Variants in SLC36A1 observed in about 807,000 individuals in gnomAD.
The protein encoded by SLC36A1 is solute carrier family 36 member 1.
Under a neutral mutation model 47.5 loss-of-function variants are expected in SLC36A1, and 30 were observed. The ratio of observed to expected loss-of-function variants is 0.63; its 90% CI spans 0.47 to 0.86. The LOEUF is 0.86. SLC36A1 is among the 40% of genes least tolerant of loss of function. The probability of loss-of-function intolerance (pLI) is 0.00; values close to 1 mark genes in which losing one functional copy is unlikely to be tolerated. For synonymous variants in SLC36A1, 255 were observed against 249.7 expected, an observed-to-expected ratio of 1.02 and a Z score of -0.20; for missense variants, 517 against 606.0, an observed-to-expected ratio of 0.85 and a Z score of 1.54.
chr5:151,473,944 G>A (rs942740332), intron 8 of SLC36A1, among the ~76,000 whole-genome samples, 173 bp downstream of exon 8: 22 of 152,130 alleles, frequency 1.4e-4, no homozygotes, highest in African/African-American at 5.3e-4. Context: ...TGGATCACTT[G>A]AGGTCAGGAG....
the SLC36A1 span, chr5:151,505,353 T>TA: frequency 3.2e-6 from 2 of 618,334 alleles, no homozygotes; most frequent in Non-Finnish European, 5.6e-6. Context: ...CCTGGGACCC[T>TA]AGTGCTGTTT....
At chr5:151,442,230 T>C (rs1752670888) in intron 1 of SLC36A1, among the ~76,000 whole-genome samples, 1 of 152,204 alleles carries the variant, frequency 6.6e-6, no homozygotes, top group African/African-American at 2.4e-5. Context: ...GATAGTAAAA[T>C]TGTAACTATA....
the SLC36A1 span, among the ~76,000 whole-genome samples, chr5:151,377,702 G>T: frequency 1.3e-5 from 2 of 152,170 alleles, no homozygotes; most frequent in Non-Finnish European, 2.9e-5. Context: ...GGGTGCTCCA[G>T]TGTTGGATGC....
upstream of SLC36A1, among the ~76,000 whole-genome samples, chr5:151,443,974 A>G (rs573219802): frequency 6.6e-6 from 1 of 152,188 alleles, no homozygotes; most frequent in South Asian, 2.1e-4. Context: ...TTAGTTGACC[A>G]TATATGTTTG....
At chr5:151,478,340 A>G (rs1199906786) in intron 9 of SLC36A1, among the ~76,000 whole-genome samples, 1 of 152,234 alleles carries the variant, frequency 6.6e-6, no homozygotes, top group African/African-American at 2.4e-5. Flanking sequence ...TCAGATCTGT[A>G]AGTTGATCAC....
At chr5:151,354,491 T>C in the SLC36A1 span, among the ~76,000 whole-genome samples, 371 of 152,344 alleles carry the variant, frequency 2.4e-3, 4 homozygotes, top group African/African-American at 8.5e-3. Context: ...CAAGTCTTTG[T>C]ACTCTCTGTG....
chr5:151,459,393 A>C (rs940738241), intron 2 of SLC36A1, among the ~76,000 whole-genome samples: 1 of 152,230 alleles, frequency 6.6e-6, no homozygotes, highest in Admixed American at 6.5e-5. Flanking sequence ...GGTTGGTAGG[A>C]AAGGAAAGAT....
chr5:151,395,374 C>T, the SLC36A1 span, among the ~76,000 whole-genome samples: 8 of 152,186 alleles, frequency 5.3e-5, no homozygotes, highest in Non-Finnish European at 1.2e-4. Context: ...GATGCCTCAC[C>T]CTGCTTTGGC....
intron 2 of SLC36A1, among the ~76,000 whole-genome samples, chr5:151,461,674 C>G (rs1392880700): frequency 6.6e-6 from 1 of 152,204 alleles, no homozygotes; most frequent in African/African-American, 2.4e-5. Flanking sequence ...TAAAATTACA[C>G]TGTAGAACGA....
the SLC36A1 span, chr5:151,551,751 C>T: frequency 4.6e-6 from 3 of 653,742 alleles, no homozygotes; most frequent in Non-Finnish European, 7.3e-6. Context: ...GTTTATTCTC[C>T]CAGGGAGTCC....
chr5:151,405,341 C>T, the SLC36A1 span, among the ~76,000 whole-genome samples: 32 of 128,298 alleles, frequency 2.5e-4, no homozygotes, highest in African/African-American at 6.1e-4. Flanking sequence ...CCCTCTCTTT[C>T]TCTTTTTTTT....
chr5:151,553,268 G>T, the SLC36A1 span: 17 of 1,614,154 alleles, frequency 1.1e-5, no homozygotes, highest in African/African-American at 1.3e-5. Flanking sequence ...TGACCGTAAA[G>T]CTGTAGTAGG....
the SLC36A1 span, among the ~76,000 whole-genome samples, chr5:151,349,138 C>G: frequency 2.0e-5 from 3 of 152,150 alleles, no homozygotes; most frequent in Non-Finnish European, 4.4e-5. Flanking sequence ...CTCTGTGTTC[C>G]TGCTCGAGCA....
At chr5:151,463,523 TATC>T in intron 2 of SLC36A1, 27 bp from the exon 3 acceptor site, 1 of 1,521,148 alleles carries the variant, frequency 6.6e-7, no homozygotes, top group South Asian at 1.1e-5. Context: ...CTGTCATGGT[TATC>T]ATTTCCTTGG....
the SLC36A1 span, chr5:151,512,409 G>A: frequency 8.5e-5 from 138 of 1,614,090 alleles, no homozygotes; most frequent in Non-Finnish European, 1.1e-4. The surrounding 1 kb of genome is among the most constrained non-coding windows in gnomAD (Gnocchi z 4.1). Context: ...GGTGCCTTTC[G>A]GGCCTCAGAC....
At chr5:151,476,801 A>T (rs1336248933) in intron 9 of SLC36A1, 45 bp downstream of exon 9, 11 of 1,605,712 alleles carry the variant, frequency 6.9e-6, no homozygotes, top group Non-Finnish European at 9.4e-6. Context: ...GGATATTTTT[A>T]AAAACTAATG....
In SLC36A1 at chr5:151,491,729, A is replaced by C. The variant is rs1760135869; in HGVS notation, c.*3475A>C. On this transcript the variant is annotated 3_prime_UTR_variant, in exon 11 of 11. Transcript: ENST00000243389. ...CTCAGCATCTGCCCCTGCTGGGTGC[A>C]CAATGCTGCTTCCTCGAAGAGAAGA... 6.5e-6 allele frequency: 1 copy of C among 152,676 alleles called. No individual in the cohort carries two copies. 9.5% of individuals were successfully genotyped at this position (152,676 alleles called of 1,614,324 possible).
chr5:151,510,344 A>G, the SLC36A1 span: 5 of 680,130 alleles, frequency 7.4e-6, no homozygotes, highest in Non-Finnish European at 1.2e-5. Flanking sequence ...CTGAACCAAG[A>G]GCACTTTGGT....
chr5:151,520,845 C>T, the SLC36A1 span, among the ~76,000 whole-genome samples: 1 of 152,148 alleles, frequency 6.6e-6, no homozygotes, highest in African/African-American at 2.4e-5. Flanking sequence ...CATGTATTGA[C>T]CACTTTCTAT....
Sources: gnomAD v4.1 joint callset for allele counts (sites outside exome capture counted in the v4.1 genomes callset) on GRCh38, gnomAD v4.1.1 for gene constraint, Gnocchi (gnomAD v3.1) non-coding constraint, MANE v1.5 for transcripts, NCBI Gene and HGNC (gene_info 2026-07-23, HGNC 2026-07-21) for gene names.